NPDC1: variants seen among roughly 807,000 people sequenced by gnomAD.
NPDC1 encodes the protein neural proliferation differentiation and control protein 1.
Under a neutral mutation model 32.5 loss-of-function variants are expected in NPDC1, and 18 were observed. The observed-to-expected ratio is 0.55, with a 90% CI of 0.38 to 0.82. The LOEUF (loss-of-function observed/expected upper bound fraction) is 0.82. NPDC1 is among the 40% of genes least tolerant of loss of function. The pLI is 0.00. For synonymous variants in NPDC1, 210 were observed against 184.7 expected (o/e 1.14, Z -1.11); for missense variants, 468 against 406.6 (o/e 1.15, Z -1.30).
At chr9:137,045,789 C>G in intron 1 of NPDC1, 89 bp downstream of exon 1, 1 of 863,672 alleles carries the variant, frequency 1.2e-6, no homozygotes, top group Non-Finnish European at 1.4e-6. Flanking sequence ...CTGGGCAGGA[C>G]GAGGGCGGCG....
chr9:137,040,612 G>A lies in NPDC1; in HGVS notation c.624-14C>T. 6.4e-7 allele frequency: 1 copy of A among 1,566,044 alleles called. No individual in the cohort carries two copies. Among genetic ancestry groups the A allele is most frequent in the East Asian group, 2.3e-5 (1 of 42,768 alleles). ...TCACGCTGCAGCCTGTGGGGAGTGG[G>A]GCCTGAGACCTCTGAGCGTGTGGCA... On this transcript the variant is annotated splice_polypyrimidine_tract_variant and intron_variant, in intron 5 of 8. Transcript: ENST00000371601.
rs771103148 is a variant in NPDC1 at position 137,043,072 on chromosome 9, A to G, written c.114T>C (p.Asp38=). The G allele has an allele frequency of 4.3e-6, 7 of 1,612,418 alleles. No homozygotes were observed. Among genetic ancestry groups the G allele is most frequent in the Non-Finnish European group, 5.9e-6 (7 of 1,179,764 alleles). The part of the protein sequence containing the change: ...ALRGAAAGHP[D]VAACPGSLDC... Reference sequence around the variant, plus strand: ...CCAGGCTCCCGGGACAGGCGGCTACATCTGGGAAGGAAGCAGAAGGCAGGG... The same window carrying G: ...CCAGGCTCCCGGGACAGGCGGCTACGTCTGGGAAGGAAGCAGAAGGCAGGG... Residue 38 remains aspartate (D), a splice_region_variant and synonymous_variant, in exon 2 of 9, where the codon GAT becomes GAC. Transcript: ENST00000371601.
Position 137,040,518 on chromosome 9 carries a change from A to G in NPDC1, c.704T>C (p.Ile235Thr), listed in dbSNP as rs1312689069. 6.3e-7 allele frequency: 1 copy of G among 1,589,966 alleles called. No individual in the cohort carries two copies. The highest frequency in any genetic ancestry group is 2.3e-5 in the East Asian group (1 of 43,952). The change falls in exon 6 of 9, where the codon ATC (isoleucine) becomes ACC (threonine). Residue 235 changes from isoleucine to threonine, a missense_variant. Ile to Thr is a moderately conservative substitution (Grantham distance 89). Coordinates refer to ENST00000371601, the MANE Select transcript of NPDC1 (RefSeq NM_015392.4). ...KAPGSPAAPR[I>T]SPGDQRLAQS... ...GGGCTGAAGGGGGCCACACACCGAG[A>G]TCCGGGGAGCTGCAGGTGAGCCAGG...
chr9:137,040,143 G>A, intron 7 of NPDC1, 76 bp from the exon 8 acceptor site: 1 of 719,414 alleles, frequency 1.4e-6, no homozygotes. Flanking sequence ...TGGGCACTCA[G>A]CCCACCTCAG....
rs1832012312 is a variant in NPDC1, at chr9:137,039,537, C to T, written c.*235G>A. 5.7e-6 allele frequency: 3 copies of T among 527,710 alleles called. No homozygotes were observed. Among genetic ancestry groups the T allele is most frequent in the African/African-American group, 1.9e-5 (1 of 51,744 alleles). The allele number at this position is 527,710 out of a possible 1,614,324, so 32.7% of individuals were successfully genotyped here. Reference sequence around the variant, plus strand: ...ACCCGTTCCTGCGCTCTACGGTTCTCCATGCCCCCTCCAGTTTGGGGGTCT... The same window carrying T: ...ACCCGTTCCTGCGCTCTACGGTTCTTCATGCCCCCTCCAGTTTGGGGGTCT... On this transcript the variant is annotated 3_prime_UTR_variant, in exon 9 of 9. Coordinates refer to ENST00000371601, the MANE Select transcript of NPDC1 (RefSeq NM_015392.4).
intron 1 of NPDC1, among the ~76,000 whole-genome samples, chr9:137,045,504 G>A (rs986402064): frequency 2.6e-5 from 4 of 152,200 alleles, no homozygotes; most frequent in Non-Finnish European, 5.9e-5. Flanking sequence ...CACACCCGCA[G>A]GAGCCCCGAA....
In NPDC1 at chr9:137,040,969, G is replaced by T; in HGVS notation, c.401C>A (p.Ser134Ter). 6.5e-7 allele frequency: 1 copy of T among 1,543,408 alleles called. No individual in the cohort carries two copies. Among genetic ancestry groups the T allele is most frequent in the Non-Finnish European group, 8.7e-7 (1 of 1,147,832 alleles). ...CAGCTCCAGCCCCTGCCCCCGTGCCGAGAAGCCCAGGGTGGCTGCGAGAGA... is the reference window on the plus strand; with the variant it reads ...CAGCTCCAGCCCCTGCCCCCGTGCCTAGAAGCCCAGGGTGGCTGCGAGAGA... ...RLPEPATLGF[S>*]ARGQGLELGL... The change falls in exon 4 of 9, where the codon TCG becomes TAG. Residue 134 changes from serine to a stop codon, truncating the protein, a stop_gained. Coordinates refer to ENST00000371601, the MANE Select transcript of NPDC1 (RefSeq NM_015392.4). LOFTEE classifies it high-confidence loss of function.
chr9:137,041,778 T>C (rs141492678), intron 2 of NPDC1, among the ~76,000 whole-genome samples: 1 of 152,324 alleles, frequency 6.6e-6, no homozygotes, highest in Non-Finnish European at 1.5e-5. Flanking sequence ...AAGCCGCTGC[T>C]GCTCCCACCC....
Position 137,039,725 on chromosome 9 carries a change from G to T in NPDC1, c.*47C>A. 1.4e-6 allele frequency: 1 copy of T among 714,212 alleles called. No individual in the cohort carries two copies. The highest frequency in any genetic ancestry group is 2.6e-6 in the Non-Finnish European group (1 of 388,050). The allele number at this position is 714,212 out of a possible 1,614,324, so 44.2% of individuals were successfully genotyped here. A position where few individuals can be genotyped will look rare whatever the true frequency, so the allele number is the denominator to read the frequency against. On this transcript the variant is annotated 3_prime_UTR_variant, in exon 9 of 9. Coordinates refer to ENST00000371601, the MANE Select transcript of NPDC1 (RefSeq NM_015392.4). ...GAAGCTCCAGGCCCTGCCCCTCCCC[G>T]GGGGCCTCGAGGTCGGGGAGCAGGT... is the stretch of plus-strand genomic sequence containing the variant.
At chr9:137,041,470 A>C (rs1832054879) in intron 2 of NPDC1, among the ~76,000 whole-genome samples, 1 of 152,158 alleles carries the variant, frequency 6.6e-6, no homozygotes. Context: ...ACCCATGTCC[A>C]TAAAGGGCTG....
At chr9:137,043,924 C>T (rs989679127) in intron 1 of NPDC1, 1 of 156,088 alleles carries the variant, frequency 6.4e-6, no homozygotes, top group Non-Finnish European at 1.4e-5. Context: ...CTCAGTTTCC[C>T]CTCTGGGATA....
At position 137,039,655 on chromosome 9, in the gene NPDC1, G is replaced by A. The variant is rs6604; in HGVS notation, c.*117C>T. The stretch of plus-strand genomic sequence containing the variant: ...CAAGGGGTCCCAGGGCCTGGAGCCC[G>A]AGGCCCAGCCAAAAGCACACAGCAT... On this transcript the variant is annotated 3_prime_UTR_variant, in exon 9 of 9. Transcript: ENST00000371601. 0.28 allele frequency: 167,803 copies of A among 598,388 alleles called. 24,202 individuals are homozygous for A. The highest frequency in any genetic ancestry group is 0.32 in the Middle Eastern group (1,230 of 3,870). 37.1% of individuals were successfully genotyped at this position (598,388 alleles called of 1,614,324 possible).
At chr9:137,042,810 G>A in intron 2 of NPDC1, 117 bp downstream of exon 2, 1 of 1,273,602 alleles carries the variant, frequency 7.9e-7, no homozygotes, top group East Asian at 2.4e-5. Context: ...CAACAGCCTG[G>A]GCCTCCCACA....
In NPDC1 at chr9:137,040,451, A is replaced by G. The variant is rs201771617; in HGVS notation, c.709-15T>C. ...TGGTCCCCAGGCTGTGGGAAGGAGG[A>G]GGCGAGGGTCAGTTGGCGGCCAGAG... On this transcript the variant is annotated splice_polypyrimidine_tract_variant and intron_variant, in intron 6 of 8. Transcript: ENST00000371601. 6.4e-7 allele frequency: 1 copy of G among 1,558,736 alleles called. No homozygotes were observed. Among genetic ancestry groups the G allele is most frequent in the Non-Finnish European group, 8.7e-7 (1 of 1,153,232 alleles).
At position 137,045,933 on chromosome 9, in the gene NPDC1, C is replaced by T; in HGVS notation, c.57G>A (p.Leu19=). The change falls in exon 1 of 9, where the codon CTG becomes CTA. Residue 19 remains leucine, a synonymous_variant. Transcript: ENST00000371601. ...CGGCGCCGAGGACGAGGCCGGAGAG[C>T]AGCAGCCGCAGCAGCCGCAGGTGCC... The part of the protein sequence containing the change: ...SPRHLRLLRL[L]LSGLVLGAAL... 8.5e-7 allele frequency: 1 copy of T among 1,181,840 alleles called. No homozygotes were observed. Among genetic ancestry groups the T allele is most frequent in the African/African-American group, 1.6e-5 (1 of 62,402 alleles). The allele number at this position is 1,181,840 out of a possible 1,614,324, so 73.2% of individuals were successfully genotyped here.
Position 137,041,144 on chromosome 9 carries a change from G to A in NPDC1, c.303C>T (p.Phe101=), listed in dbSNP as rs779281411. The A allele has an allele frequency of 1.2e-5, 18 of 1,496,704 alleles. No individual in the cohort carries two copies. Among genetic ancestry groups the A allele is most frequent in the Non-Finnish European group, 1.5e-5 (17 of 1,124,442 alleles). The allele number at this position is 1,496,704 out of a possible 1,614,324, so 92.7% of individuals were successfully genotyped here. Reference sequence around the variant, plus strand: ...CCTTCCGGGCAAGCTCCTGGGCCAGGAAGTCAATCTCATCTTCCAGTCTGG... The same window carrying A: ...CCTTCCGGGCAAGCTCCTGGGCCAGAAAGTCAATCTCATCTTCCAGTCTGG... The part of the protein sequence containing the change: ...PQPRLEDEID[F]LAQELARKES... Residue 101 remains phenylalanine (F), a synonymous_variant, in exon 3 of 9, where the codon TTC becomes TTT. Coordinates refer to ENST00000371601, the MANE Select transcript of NPDC1 (RefSeq NM_015392.4).
intron 1 of NPDC1, chr9:137,043,697 CCAGGGGCTGCAGT>C (rs1832090053): frequency 3.0e-6 from 1 of 336,022 alleles, no homozygotes; most frequent in African/African-American, 2.1e-5. Context: ...AGCCACCACA[CCAGGGGCTGCAGT>C]CAGGGGCCAG....
intron 2 of NPDC1, among the ~76,000 whole-genome samples, chr9:137,042,559 C>CT (rs59591013): frequency 1.4e-4 from 9 of 65,702 alleles, no homozygotes; most frequent in African/African-American, 3.9e-4. Flanking sequence ...TCCCGGCCTT[C>CT]TTTTTTTTTT....
chr9:137,042,866 C>T (rs1280061013), intron 2 of NPDC1, 61 bp downstream of exon 2: 2 of 1,533,076 alleles, frequency 1.3e-6, no homozygotes, highest in Non-Finnish European at 1.8e-6. Flanking sequence ...CCGGCCGCTT[C>T]TTACAGGGAG....
Sources: gnomAD v4.1 joint callset for allele counts (sites outside exome capture counted in the v4.1 genomes callset) on GRCh38, gnomAD v4.1.1 for gene constraint, MANE v1.5 for transcripts, NCBI Gene and HGNC (gene_info 2026-07-23, HGNC 2026-07-21) for gene names.